Variants in RPL6 observed in about 807,000 individuals in gnomAD.
RPL6 encodes the protein ribosomal protein L6.
RPL6 carries 1 observed loss-of-function variant against 32.1 expected under a neutral mutation model. That is an observed-to-expected ratio of 0.03 (90% CI 0.01 to 0.15). The LOEUF is 0.15. RPL6 is among the 10% of genes least tolerant of loss of function. The pLI is 1.00. For synonymous variants in RPL6, 126 were observed against 131.6 expected (o/e 0.96, Z 0.29); for missense variants, 275 against 354.6 (o/e 0.78, Z 1.80).
upstream of RPL6, among the ~76,000 whole-genome samples, chr12:112,412,999 C>T (rs2037359251): frequency 6.6e-6 from 1 of 151,798 alleles, no homozygotes; most frequent in African/African-American, 2.4e-5. Flanking sequence ...GTGTGTGAGC[C>T]TGTGTATGGG....
intron 1 of RPL6, among the ~76,000 whole-genome samples, chr12:112,417,014 A>C (rs1377578958): frequency 6.6e-6 from 1 of 152,178 alleles, no homozygotes; most frequent in Non-Finnish European, 1.5e-5. Flanking sequence ...AGCTATACAG[A>C]TATGGGTTAA....
At chr12:112,418,712 A>G (rs953278097) in intron 1 of RPL6, 9 of 338,562 alleles carry the variant, frequency 2.7e-5, no homozygotes, top group Non-Finnish European at 4.9e-5. Flanking sequence ...GTAGACGCGG[A>G]GCGCGCAGCT....
chr12:112,415,138 G>C (rs548495290), upstream of RPL6, among the ~76,000 whole-genome samples: 6 of 152,298 alleles, frequency 3.9e-5, no homozygotes, highest in South Asian at 1.2e-3. Flanking sequence ...TCTGGGGAAA[G>C]AAAGCAGATT....
chr12:112,418,062 C>T (rs1454755521), intron 1 of RPL6, among the ~76,000 whole-genome samples: 3 of 151,956 alleles, frequency 2.0e-5, no homozygotes, highest in African/African-American at 7.3e-5. Flanking sequence ...TCAATGCAAC[C>T]TCTGCCTCCC....
At chr12:112,417,294 G>A (rs956476194) in intron 1 of RPL6, among the ~76,000 whole-genome samples, 1 of 152,078 alleles carries the variant, frequency 6.6e-6, no homozygotes, top group African/African-American at 2.4e-5. Context: ...CTGACCTCAA[G>A]TGATCTGCTC....
At chr12:112,414,912 A>C (rs905660929), upstream of RPL6, among the ~76,000 whole-genome samples, 1 of 151,892 alleles carries the variant, frequency 6.6e-6, no homozygotes, top group Non-Finnish European at 1.5e-5. Flanking sequence ...AAAAAAAAAA[A>C]CAAAACAAAA....
upstream of RPL6, among the ~76,000 whole-genome samples, chr12:112,415,196 T>G (rs2037391059): frequency 6.6e-6 from 1 of 151,994 alleles, no homozygotes; most frequent in Non-Finnish European, 1.5e-5. Context: ...TGAGGGGAGC[T>G]GAAAGTCATT....
At chr12:112,415,303 T>C (rs1459333073), upstream of RPL6, among the ~76,000 whole-genome samples, 1 of 152,200 alleles carries the variant, frequency 6.6e-6, no homozygotes, top group Non-Finnish European at 1.5e-5. Flanking sequence ...GTGCATTGGC[T>C]CACGCCTGTA....
At chr12:112,408,814 C>T in intron 1 of RPL6, 158 bp from the exon 2 acceptor site, 1 of 646,438 alleles carries the variant, frequency 1.5e-6, no homozygotes, top group Non-Finnish European at 2.6e-6. Context: ...CCATTCTACT[C>T]CAACCTTCAC....
upstream of RPL6, among the ~76,000 whole-genome samples, chr12:112,409,995 G>T (rs2037311845): frequency 1.7e-5 from 2 of 116,938 alleles, no homozygotes; most frequent in African/African-American, 3.3e-5. Flanking sequence ...AACAGAGCAA[G>T]ATTCTCAAAA....
At chr12:112,406,393 C>A in intron 4 of RPL6, 51 bp from the exon 5 acceptor site, 1 of 1,492,292 alleles carries the variant, frequency 6.7e-7, no homozygotes, top group Non-Finnish European at 9.3e-7. Flanking sequence ...AAACTGACTT[C>A]TGAATTCATA....
chr12:112,406,964 A>C, intron 3 of RPL6, 74 bp from the exon 4 acceptor site: 1 of 1,478,526 alleles, frequency 6.8e-7, no homozygotes, highest in Non-Finnish European at 9.3e-7. Flanking sequence ...TGTCAGCCAA[A>C]CTTTTGCTAC....
intron 3 of RPL6, chr12:112,407,647 G>T (rs923411877): frequency 6.5e-6 from 1 of 153,208 alleles, no homozygotes; most frequent in Admixed American, 6.5e-5. Context: ...GGTAAAGGGG[G>T]CCAAGAAACA....
At chr12:112,413,073 C>A (rs978268136), upstream of RPL6, among the ~76,000 whole-genome samples, 1 of 152,030 alleles carries the variant, frequency 6.6e-6, no homozygotes. Flanking sequence ...ATTAACACTG[C>A]TGGGGATTGG....
At chr12:112,408,679 A>T (rs200703932) in intron 1 of RPL6, 23 bp from the exon 2 acceptor site, 544 of 1,541,604 alleles carry the variant, frequency 3.5e-4, no homozygotes, top group Non-Finnish European at 4.6e-4. Flanking sequence ...TTTTGTAGAT[A>T]AAAAAAGGCA....
At chr12:112,406,489 G>A in intron 4 of RPL6, 147 bp from the exon 5 acceptor site, 1 of 809,610 alleles carries the variant, frequency 1.2e-6, no homozygotes, top group African/African-American at 1.7e-5. Context: ...ACCACAGCAA[G>A]CTACTAAGGT....
At chr12:112,406,655 A>G in intron 4 of RPL6, 92 bp downstream of exon 4, 1 of 1,495,382 alleles carries the variant, frequency 6.7e-7, no homozygotes, top group Non-Finnish European at 9.0e-7. Context: ...AACATAGGTA[A>G]ATAAAGGAAA....
At chr12:112,416,913 G>A (rs1268188682) in intron 1 of RPL6, among the ~76,000 whole-genome samples, 1 of 152,146 alleles carries the variant, frequency 6.6e-6, no homozygotes, top group Non-Finnish European at 1.5e-5. Context: ...TCTTTGTAAG[G>A]AGCACATGAT....
upstream of RPL6, among the ~76,000 whole-genome samples, chr12:112,414,095 G>A (rs2037373922): frequency 6.6e-6 from 1 of 152,200 alleles, no homozygotes; most frequent in Non-Finnish European, 1.5e-5. Context: ...AACCTTGCAT[G>A]ACTGTTTTCC....
Sources: gnomAD v4.1 joint callset for allele counts (sites outside exome capture counted in the v4.1 genomes callset) on GRCh38, gnomAD v4.1.1 for gene constraint, MANE v1.5 for transcripts, NCBI Gene and HGNC (gene_info 2026-07-23, HGNC 2026-07-21) for gene names.